Variants in DLG2 observed in about 807,000 individuals in gnomAD.
The protein encoded by DLG2 is disks large homolog 2.
DLG2 carries 45 observed loss-of-function variants against 132.5 expected under a neutral mutation model. The ratio of observed to expected loss-of-function variants is 0.34; its 90% CI spans 0.27 to 0.44. The LOEUF (loss-of-function observed/expected upper bound fraction) is 0.44. DLG2 is among the 20% of genes least tolerant of loss of function. DLG2 has a pLI of 1.00. For missense variants in DLG2, 1,045 were observed against 1,196.9 expected (o/e 0.87, Z 1.87); for synonymous variants, 424 against 419.6 (o/e 1.01, Z -0.13).
intron 11 of DLG2, among the ~76,000 whole-genome samples, chr11:83,995,425 T>G (rs2093970868): frequency 6.6e-6 from 1 of 152,118 alleles, no homozygotes. Flanking sequence ...AGAGAGACTT[T>G]GAAAAATTTT....
At chr11:84,798,687 C>T (rs757684200) in intron 6 of DLG2, among the ~76,000 whole-genome samples, 5 of 152,174 alleles carry the variant, frequency 3.3e-5, no homozygotes, top group Admixed American at 6.5e-5. Context: ...CAAGCTGGTC[C>T]CTGAGGCCAG....
intron 6 of DLG2, among the ~76,000 whole-genome samples, chr11:84,603,083 G>A (rs1009200647): frequency 3.3e-5 from 5 of 151,908 alleles, no homozygotes; most frequent in African/African-American, 7.2e-5. Context: ...TAGGTCAAAT[G>A]TAACATCAAT....
chr11:84,949,695 C>T (rs1056041500), intron 6 of DLG2, among the ~76,000 whole-genome samples: 6 of 152,194 alleles, frequency 3.9e-5, no homozygotes, highest in African/African-American at 1.4e-4. Context: ...TTAAGGTTAT[C>T]TCTCTTATTC....
At chr11:83,614,672 A>G (rs939720953) in intron 19 of DLG2, among the ~76,000 whole-genome samples, 3 of 152,150 alleles carry the variant, frequency 2.0e-5, no homozygotes, top group Non-Finnish European at 4.4e-5. Context: ...GTGAGCCGTG[A>G]TCACACCACT....
At chr11:83,569,864 A>G (rs1010556344) in intron 19 of DLG2, among the ~76,000 whole-genome samples, 4 of 152,210 alleles carry the variant, frequency 2.6e-5, no homozygotes, top group African/African-American at 7.2e-5. Flanking sequence ...ATCCCATCTG[A>G]AAAATTCTTC....
intron 4 of DLG2, among the ~76,000 whole-genome samples, chr11:85,163,414 T>C (rs1381128581): frequency 6.6e-6 from 1 of 152,174 alleles, no homozygotes; most frequent in East Asian, 1.9e-4. Flanking sequence ...AAATACGTAA[T>C]TTATATTACA....
intron 3 of DLG2, among the ~76,000 whole-genome samples, chr11:85,352,180 T>G (rs1223672965): frequency 1.3e-5 from 2 of 152,248 alleles, no homozygotes; most frequent in Non-Finnish European, 2.9e-5. Flanking sequence ...CTTCTAGATT[T>G]TCTAGTTTAT....
intron 6 of DLG2, among the ~76,000 whole-genome samples, chr11:84,657,579 G>A (rs1368456709): frequency 1.3e-5 from 2 of 152,126 alleles, no homozygotes; most frequent in Non-Finnish European, 2.9e-5. Flanking sequence ...AGATCATCAG[G>A]CATTAGATTC....
intron 3 of DLG2, among the ~76,000 whole-genome samples, chr11:85,418,386 G>A (rs1305033745): frequency 6.6e-6 from 1 of 152,178 alleles, no homozygotes; most frequent in Non-Finnish European, 1.5e-5. Flanking sequence ...TTTAGAATAA[G>A]TGTGATGTGT....
chr11:84,181,853 T>A (rs928341828), intron 8 of DLG2, among the ~76,000 whole-genome samples: 1 of 152,158 alleles, frequency 6.6e-6, no homozygotes, highest in Non-Finnish European at 1.5e-5. Flanking sequence ...ATGTATGGGC[T>A]GAACAACAGA....
intron 6 of DLG2, among the ~76,000 whole-genome samples, chr11:84,926,629 G>C (rs2092989084): frequency 1.3e-5 from 2 of 151,698 alleles, no homozygotes; most frequent in African/African-American, 4.8e-5. Context: ...AATTTTAACA[G>C]TGTTGCTATT....
intron 4 of DLG2, among the ~76,000 whole-genome samples, chr11:85,166,960 T>C (rs2078495425): frequency 6.6e-6 from 1 of 152,156 alleles, no homozygotes; most frequent in Non-Finnish European, 1.5e-5. Flanking sequence ...AGATCTCTTT[T>C]GTAGAGTAAA....
intron 6 of DLG2, among the ~76,000 whole-genome samples, chr11:84,537,206 G>A (rs988176911): frequency 1.3e-5 from 2 of 151,864 alleles, no homozygotes; most frequent in East Asian, 1.9e-4. Flanking sequence ...TCCCGAGTTC[G>A]AGCAATTCTC....
intron 10 of DLG2, among the ~76,000 whole-genome samples, chr11:84,077,228 A>G (rs1011786091): frequency 5.9e-5 from 9 of 152,078 alleles, no homozygotes; most frequent in Non-Finnish European, 1.0e-4. Context: ...TCTATTTTCT[A>G]CTTCTTCCTT....
At chr11:85,331,777 A>T (rs1392427095) in intron 3 of DLG2, among the ~76,000 whole-genome samples, 1 of 152,130 alleles carries the variant, frequency 6.6e-6, no homozygotes, top group Non-Finnish European at 1.5e-5. Flanking sequence ...GCTGCATACC[A>T]GTTGCTGCAT....
chr11:85,425,562 A>T (rs1050060802), intron 3 of DLG2, among the ~76,000 whole-genome samples: 2 of 152,184 alleles, frequency 1.3e-5, no homozygotes, highest in East Asian at 3.8e-4. Context: ...AATTCATTGT[A>T]AGAATCATAA....
intron 4 of DLG2, among the ~76,000 whole-genome samples, chr11:85,216,099 T>C (rs2082574502): frequency 1.3e-5 from 2 of 151,576 alleles, no homozygotes; most frequent in South Asian, 4.2e-4. Flanking sequence ...AGAGGATCCC[T>C]GAATGCAGGA....
intron 7 of DLG2, among the ~76,000 whole-genome samples, chr11:84,501,941 C>G (rs899458477): frequency 6.6e-6 from 1 of 151,998 alleles, no homozygotes; most frequent in Admixed American, 6.5e-5. Flanking sequence ...TGCTTTTTCC[C>G]CCAAGCAATG....
chr11:84,667,479 TTTTTG>T (rs1293452502), intron 6 of DLG2, among the ~76,000 whole-genome samples: 24 of 39,188 alleles, frequency 6.1e-4, no homozygotes, highest in African/African-American at 3.0e-3. Flanking sequence ...TTTTTTTTTG[TTTTTG>T]TTTTTTGTTT....
Sources: allele counts gnomAD v4.1 joint callset (sites outside exome capture counted in the v4.1 genomes callset), GRCh38; gene constraint gnomAD v4.1.1; transcripts MANE v1.5; gene names NCBI Gene and HGNC (gene_info 2026-07-23, HGNC 2026-07-21).